CPNE4: variants seen among roughly 807,000 people sequenced by gnomAD.
CPNE4 encodes copine-4.
CPNE4 carries 25 observed loss-of-function variants against 67.9 expected under a neutral mutation model. The ratio of observed to expected loss-of-function variants is 0.37; its 90% CI spans 0.27 to 0.51. The LOEUF (loss-of-function observed/expected upper bound fraction) is 0.51. Among genes scored for constraint, CPNE4 ranks in the 20% least tolerant of loss-of-function variants. CPNE4 has a pLI of 0.93. For synonymous variants in CPNE4, 242 were observed against 244.9 expected (o/e 0.99, Z 0.11); for missense variants, 464 against 690.8 (o/e 0.67, Z 3.68).
chr3:131,869,098 G>A (rs1275095387), intron 2 of CPNE4, among the ~76,000 whole-genome samples: 1 of 152,146 alleles, frequency 6.6e-6, no homozygotes, highest in African/African-American at 2.4e-5. Flanking sequence ...AGAAAAAGAA[G>A]TCCTTATTTC....
At chr3:131,764,122 A>G (rs759286082) in intron 2 of CPNE4, among the ~76,000 whole-genome samples, 5 of 152,070 alleles carry the variant, frequency 3.3e-5, no homozygotes, top group Admixed American at 6.6e-5. Context: ...GAACCCAGCA[A>G]TTGGACTCCA....
intron 11 of CPNE4, among the ~76,000 whole-genome samples, chr3:131,557,986 T>TAACA (rs1202419306): frequency 1.3e-5 from 2 of 152,018 alleles, no homozygotes; most frequent in African/African-American, 4.8e-5. Context: ...GGGTAAGCTC[T>TAACA]AACATTCCAT....
intron 2 of CPNE4, among the ~76,000 whole-genome samples, chr3:131,822,041 A>C (rs540333570): frequency 1.3e-4 from 20 of 152,204 alleles, no homozygotes; most frequent in African/African-American, 4.1e-4. Context: ...GCTTACATAT[A>C]CTCCTAATAA....
intron 7 of CPNE4, among the ~76,000 whole-genome samples, chr3:131,599,811 G>T (rs1939101540): frequency 6.6e-6 from 1 of 152,182 alleles, no homozygotes; most frequent in Non-Finnish European, 1.5e-5. Context: ...GCTAAGTAAA[G>T]TCTGGTGACA....
chr3:131,801,406 ACATATATACG>A (rs2084111519), intron 2 of CPNE4, among the ~76,000 whole-genome samples: 5 of 86,130 alleles, frequency 5.8e-5, no homozygotes, highest in African/African-American at 1.5e-4. Flanking sequence ...ATATATAGGT[ACATATATACG>A]TGTGTGTGTG....
chr3:132,036,216 G>A (rs2074335172), upstream of CPNE4, among the ~76,000 whole-genome samples: 2 of 152,228 alleles, frequency 1.3e-5, no homozygotes, highest in South Asian at 2.1e-4. Context: ...GAGCTTCTCT[G>A]TACACTGAAA....
chr3:131,588,547 G>T (rs768904321), intron 7 of CPNE4, among the ~76,000 whole-genome samples: 1 of 152,144 alleles, frequency 6.6e-6, no homozygotes, highest in South Asian at 2.1e-4. Flanking sequence ...TCTTCAGGGC[G>T]CAGATCCCAC....
chr3:131,867,744 C>T (rs2087016239), intron 2 of CPNE4, among the ~76,000 whole-genome samples: 1 of 152,168 alleles, frequency 6.6e-6, no homozygotes, highest in Non-Finnish European at 1.5e-5. Flanking sequence ...GGTTCTGCCA[C>T]TAACCAATTT....
At chr3:131,623,020 A>G (rs1026782807) in intron 7 of CPNE4, among the ~76,000 whole-genome samples, 4 of 152,188 alleles carry the variant, frequency 2.6e-5, no homozygotes, top group Non-Finnish European at 4.4e-5. Context: ...CCTTAAATGG[A>G]GACCAAATGC....
At chr3:132,037,246 G>A (rs1213718949), upstream of CPNE4, among the ~76,000 whole-genome samples, 1 of 152,028 alleles carries the variant, frequency 6.6e-6, no homozygotes, top group Non-Finnish European at 1.5e-5. Flanking sequence ...GCAGGCTTCA[G>A]CTCCGTAATT....
At chr3:131,722,277 A>G (rs973680039) in intron 3 of CPNE4, among the ~76,000 whole-genome samples, 1 of 152,182 alleles carries the variant, frequency 6.6e-6, no homozygotes, top group Non-Finnish European at 1.5e-5. Context: ...CTTAAGACAT[A>G]TAATTTGGAA....
rs191575151 is a variant in CPNE4 at position 131,906,403 on chromosome 3, C to T, written c.-1-959G>A. On this transcript the variant is annotated intron_variant, in intron 1 of 15. Transcript: ENST00000429747. Reference sequence around the variant, plus strand: ...TATCTCCTAATGCTATCCCTCCCCCCCTCCCCCCACCCCACAACAGTCCCC... The same window carrying T: ...TATCTCCTAATGCTATCCCTCCCCCTCTCCCCCCACCCCACAACAGTCCCC... 2.3e-4 allele frequency among the ~76,000 whole-genome samples: 28 copies of T among 123,016 alleles called. 1 individual carries two copies. The highest frequency in any genetic ancestry group is 7.8e-4 in the African/African-American group (26 of 33,378). The allele number at this position is 123,016 out of a possible 152,430, so 80.7% of individuals were successfully genotyped here.
At chr3:131,697,118 C>T (rs569758303) in intron 4 of CPNE4, among the ~76,000 whole-genome samples, 14 of 152,262 alleles carry the variant, frequency 9.2e-5, no homozygotes, top group South Asian at 8.3e-4. Context: ...TATGGGTATA[C>T]GTAAGGATTT....
chr3:131,915,727 C>T (rs947285401), intron 1 of CPNE4, among the ~76,000 whole-genome samples: 6 of 152,054 alleles, frequency 3.9e-5, no homozygotes, highest in Admixed American at 3.9e-4. Flanking sequence ...TTTGAGACAA[C>T]GGAGAGACCA....
intron 1 of CPNE4, among the ~76,000 whole-genome samples, chr3:131,989,390 T>C (rs1342655516): frequency 6.6e-6 from 1 of 152,202 alleles, no homozygotes; most frequent in Non-Finnish European, 1.5e-5. Flanking sequence ...ATATCAAACA[T>C]TAAGCTCTCA....
intron 3 of CPNE4, among the ~76,000 whole-genome samples, chr3:131,717,581 C>A (rs545773647): frequency 5.3e-5 from 8 of 152,294 alleles, no homozygotes; most frequent in African/African-American, 1.9e-4. Context: ...CCATCCTGGG[C>A]AAGATTGATT....
At chr3:131,765,853 G>A (rs1043116461) in intron 2 of CPNE4, among the ~76,000 whole-genome samples, 1 of 152,024 alleles carries the variant, frequency 6.6e-6, no homozygotes, top group African/African-American at 2.4e-5. Flanking sequence ...AGACATATGA[G>A]GAAGGGGAAG....
At chr3:131,846,473 C>T (rs1046226268) in intron 2 of CPNE4, among the ~76,000 whole-genome samples, 8 of 152,158 alleles carry the variant, frequency 5.3e-5, no homozygotes, top group Non-Finnish European at 1.0e-4. Context: ...TACATCATTC[C>T]AGTTTCCCCA....
chr3:131,692,530 G>T (rs564459571), intron 5 of CPNE4, among the ~76,000 whole-genome samples: 2 of 152,216 alleles, frequency 1.3e-5, no homozygotes, highest in East Asian at 3.9e-4. Context: ...GCCAAATCTG[G>T]CTTACTGTTT....
Sources: gnomAD v4.1 joint callset for allele counts (sites outside exome capture counted in the v4.1 genomes callset) on GRCh38, gnomAD v4.1.1 for gene constraint, MANE v1.5 for transcripts, NCBI Gene and HGNC (gene_info 2026-07-23, HGNC 2026-07-21) for gene names.